Variants in KCNIP1 observed in about 807,000 individuals in gnomAD.
KCNIP1 encodes potassium voltage-gated channel interacting protein 1.
KCNIP1 carries 18 observed loss-of-function variants against 33.0 expected under a neutral mutation model. That is an observed-to-expected ratio of 0.55 (90% CI 0.38 to 0.81). The LOEUF (loss-of-function observed/expected upper bound fraction) is 0.81, where lower values mean the gene tolerates loss of function less well. Ranked by LOEUF, KCNIP1 falls within the 30% of genes least tolerant of loss-of-function variation. The pLI is 0.00. For missense variants in KCNIP1, 238 were observed against 271.6 expected (o/e 0.88, Z 0.87); for synonymous variants, 93 against 98.3 (o/e 0.95, Z 0.32).
intron 1 of KCNIP1, among the ~76,000 whole-genome samples, chr5:170,391,986 G>C (rs1320925297): frequency 6.6e-6 from 1 of 152,158 alleles, no homozygotes; most frequent in African/African-American, 2.4e-5. Context: ...CTTCACCCTG[G>C]GTGGAGCTTC....
chr5:170,578,626 T>C (rs1258766257), intron 1 of KCNIP1, among the ~76,000 whole-genome samples: 1 of 152,168 alleles, frequency 6.6e-6, no homozygotes, highest in East Asian at 1.9e-4. Flanking sequence ...TGGTGCAGGC[T>C]ACATTCCAGG....
intron 1 of KCNIP1, among the ~76,000 whole-genome samples, chr5:170,698,553 C>G (rs2113830941): frequency 6.6e-6 from 1 of 152,162 alleles, no homozygotes; most frequent in Admixed American, 6.5e-5. Context: ...CACATGAAGC[C>G]CTAGGCATGG....
intron 1 of KCNIP1, among the ~76,000 whole-genome samples, chr5:170,634,398 G>A (rs1285981906): frequency 6.6e-6 from 1 of 152,144 alleles, no homozygotes; most frequent in Admixed American, 6.5e-5. Context: ...TGATTCAATA[G>A]GCCCAACATG....
intron 1 of KCNIP1, among the ~76,000 whole-genome samples, chr5:170,682,052 C>A (rs756646773): frequency 6.6e-6 from 1 of 152,188 alleles, no homozygotes; most frequent in Non-Finnish European, 1.5e-5. Flanking sequence ...GACAGAATTT[C>A]TCTTCCAAGG....
intron 1 of KCNIP1, among the ~76,000 whole-genome samples, chr5:170,384,644 A>G (rs1346509580): frequency 2.0e-5 from 3 of 152,260 alleles, no homozygotes; most frequent in Non-Finnish European, 4.4e-5. Context: ...CCCAGAGCAC[A>G]GGTCTGAGAC....
At chr5:170,638,690 T>A (rs961528257) in intron 1 of KCNIP1, among the ~76,000 whole-genome samples, 2 of 151,848 alleles carry the variant, frequency 1.3e-5, no homozygotes, top group African/African-American at 4.8e-5. Flanking sequence ...AAGGCAACCC[T>A]GTGTGTTGCA....
At chr5:170,436,790 C>A (rs1243335829) in intron 1 of KCNIP1, among the ~76,000 whole-genome samples, 2 of 152,290 alleles carry the variant, frequency 1.3e-5, no homozygotes, top group Non-Finnish European at 2.9e-5. Context: ...ACATGCCCAG[C>A]TGTTTAGAGC....
intron 1 of KCNIP1, among the ~76,000 whole-genome samples, chr5:170,381,053 T>C (rs1323594221): frequency 1.3e-5 from 2 of 152,328 alleles, no homozygotes; most frequent in East Asian, 1.9e-4. Context: ...TTCTTTACCT[T>C]CTTAAAAAGA....
At chr5:170,503,406 A>AG (rs1757458334), upstream of KCNIP1, among the ~76,000 whole-genome samples, 1 of 148,864 alleles carries the variant, frequency 6.7e-6, no homozygotes. Flanking sequence ...AAAAAAAAAA[A>AG]AAAGAAAAAG....
chr5:170,595,983 A>G (rs1758427726), intron 1 of KCNIP1, among the ~76,000 whole-genome samples: 1 of 152,210 alleles, frequency 6.6e-6, no homozygotes, highest in African/African-American at 2.4e-5. Context: ...GACTCATTTC[A>G]AACTAGCTTG....
At chr5:170,458,536 C>T (rs1756439676) in intron 1 of KCNIP1, among the ~76,000 whole-genome samples, 1 of 152,136 alleles carries the variant, frequency 6.6e-6, no homozygotes. Flanking sequence ...GGATTGGGGC[C>T]CTATCTTCAG....
intron 1 of KCNIP1, chr5:170,383,856 G>C: frequency 6.2e-7 from 1 of 1,613,560 alleles, no homozygotes; most frequent in Non-Finnish European, 8.5e-7. Flanking sequence ...ACACGCTGAG[G>C]AGACCACACA....
At position 170,375,135 on chromosome 5, in the gene KCNIP1, A is replaced by G. The variant is rs546690112; in HGVS notation, c.88+21171A>G. On this transcript the variant is annotated intron_variant, in intron 1 of 7. Coordinates refer to the KCNIP1 transcript ENST00000377360. ...TTTTTTAACTTAAATTTTTGAGATAATTGTAGATTCACATGAAGCTTTACG... is the reference window on the plus strand; with the variant it reads ...TTTTTTAACTTAAATTTTTGAGATAGTTGTAGATTCACATGAAGCTTTACG... 3 of 152,310 alleles carry G rather than the reference A, an allele frequency of 2.0e-5. No individual in the cohort carries two copies. The South Asian group carries it at 6.2e-4, about 32-fold the overall frequency. The allele number at this position is 152,310 out of a possible 1,614,324, so 9.4% of individuals were successfully genotyped here. A position where few individuals can be genotyped will look rare whatever the true frequency, so the allele number is the denominator to read the frequency against.
At chr5:170,566,300 C>T in intron 1 of KCNIP1, among the ~76,000 whole-genome samples, 1 of 152,112 alleles carries the variant, frequency 6.6e-6, no homozygotes, top group East Asian at 1.9e-4. Flanking sequence ...ATTGTGTTGG[C>T]TAGGCTGGTC....
intron 1 of KCNIP1, among the ~76,000 whole-genome samples, chr5:170,398,400 C>T (rs1754812711): frequency 6.6e-6 from 1 of 152,206 alleles, no homozygotes; most frequent in South Asian, 2.1e-4. Context: ...TACCAGAATA[C>T]CGATACCAAT....
chr5:170,677,428 G>A (rs765591398), intron 1 of KCNIP1, among the ~76,000 whole-genome samples: 12 of 152,142 alleles, frequency 7.9e-5, no homozygotes, highest in Non-Finnish European at 1.8e-4. Context: ...CTATGCTATG[G>A]GTATCAGTAT....
chr5:170,574,922 T>C (rs151196914), intron 1 of KCNIP1, among the ~76,000 whole-genome samples: 3 of 152,202 alleles, frequency 2.0e-5, no homozygotes, highest in African/African-American at 7.2e-5. Context: ...CTGCCAGGGT[T>C]TGTTGTTTGT....
intron 1 of KCNIP1, among the ~76,000 whole-genome samples, chr5:170,666,561 A>G (rs577641292): frequency 9.8e-5 from 15 of 152,354 alleles, no homozygotes; most frequent in African/African-American, 3.6e-4. Flanking sequence ...TATAGCAAAG[A>G]TATAAAAGAA....
intron 1 of KCNIP1, among the ~76,000 whole-genome samples, chr5:170,415,380 G>A (rs1412012820): frequency 6.6e-6 from 1 of 152,094 alleles, no homozygotes; most frequent in Non-Finnish European, 1.5e-5. Flanking sequence ...CTTTGCTGTG[G>A]GGGGACTCTC....
Sources: gnomAD v4.1 joint callset for allele counts (sites outside exome capture counted in the v4.1 genomes callset) on GRCh38, gnomAD v4.1.1 for gene constraint, MANE v1.5 for transcripts, NCBI Gene and HGNC (gene_info 2026-07-23, HGNC 2026-07-21) for gene names.